The following METTL15 variants were observed in gnomAD, a reference collection of about 807,000 sequenced individuals.
METTL15 encodes the protein 12S rRNA N(4)-cytidine methyltransferase METTL15.
METTL15 carries 34 observed loss-of-function variants against 38.3 expected under a neutral mutation model. That is an observed-to-expected ratio of 0.89 (90% CI 0.68 to 1.18). The LOEUF is 1.18. Ranked by LOEUF, METTL15 falls within the 50% of genes most tolerant of loss-of-function variation. The pLI is 0.00. For missense variants in METTL15, 438 were observed against 498.4 expected, an observed-to-expected ratio of 0.88 and a Z score of 1.15; for synonymous variants, 162 against 170.9, an observed-to-expected ratio of 0.95 and a Z score of 0.41.
chr11:28,493,512 A>G (rs1450865983), intron 6 of METTL15, among the ~76,000 whole-genome samples: 1 of 152,226 alleles, frequency 6.6e-6, no homozygotes, highest in African/African-American at 2.4e-5. Flanking sequence ...CTCTAGCTTT[A>G]AATTAAACAT....
intron 6 of METTL15, among the ~76,000 whole-genome samples, chr11:28,428,023 C>T (rs1248900764): frequency 6.6e-6 from 1 of 152,174 alleles, no homozygotes; most frequent in African/African-American, 2.4e-5. Context: ...CAATTTATTT[C>T]ATGTGCTTGG....
chr11:28,512,875 G>A (rs1851687938), intron 6 of METTL15, among the ~76,000 whole-genome samples: 1 of 152,240 alleles, frequency 6.6e-6, no homozygotes, highest in Non-Finnish European at 1.5e-5. Context: ...TGCGAGGGCT[G>A]CCAGCATGCT....
chr11:28,113,672 AT>A, intron 3 of METTL15, 68 bp downstream of exon 3: 1 of 1,523,734 alleles, frequency 6.6e-7, no homozygotes, highest in Middle Eastern at 1.8e-4. Flanking sequence ...AATATTCATT[AT>A]TTTAAGGTAT....
intron 6 of METTL15, chr11:28,477,691 A>G (rs2133469652): frequency 6.6e-6 from 1 of 152,288 alleles, no homozygotes; most frequent in South Asian, 2.1e-4. Context: ...GGTGTTTTAT[A>G]TTATAAGAAT....
At chr11:28,354,208 A>C (rs997988150) in intron 4 of METTL15, among the ~76,000 whole-genome samples, 4 of 152,206 alleles carry the variant, frequency 2.6e-5, no homozygotes, top group Non-Finnish European at 4.4e-5. Flanking sequence ...GCACTCCCAT[A>C]GAGCACAAAA....
intron 3 of METTL15, among the ~76,000 whole-genome samples, chr11:28,181,977 G>A (rs558964217): frequency 6.6e-6 from 1 of 152,116 alleles, no homozygotes; most frequent in Non-Finnish European, 1.5e-5. Flanking sequence ...ATATCTTGTT[G>A]TGGTTTTGAT....
chr11:28,336,099 C>G (rs1246971263), downstream of METTL15, among the ~76,000 whole-genome samples: 1 of 152,158 alleles, frequency 6.6e-6, no homozygotes, highest in Non-Finnish European at 1.5e-5. Context: ...GTCTGCATCA[C>G]TAGCAGGAAT....
At chr11:28,354,012 A>G (rs1850068052) in intron 4 of METTL15, among the ~76,000 whole-genome samples, 1 of 152,218 alleles carries the variant, frequency 6.6e-6, no homozygotes, top group Admixed American at 6.5e-5. Context: ...ATGGCTGAGA[A>G]GAACCTCATA....
chr11:28,220,360 T>C (rs1029004585), intron 4 of METTL15, among the ~76,000 whole-genome samples: 28 of 152,236 alleles, frequency 1.8e-4, no homozygotes, highest in African/African-American at 6.8e-4. Context: ...TAAAGTGTGT[T>C]TTATCAGAGA....
intron 6 of METTL15, among the ~76,000 whole-genome samples, chr11:28,298,214 C>T (rs1394966502): frequency 1.3e-5 from 2 of 152,044 alleles, no homozygotes; most frequent in Non-Finnish European, 2.9e-5. Flanking sequence ...TCTGGTGTTC[C>T]TTTAACCACT....
chr11:28,369,187 A>T (rs1291532608), intron 5 of METTL15, among the ~76,000 whole-genome samples: 1 of 151,678 alleles, frequency 6.6e-6, no homozygotes, highest in Non-Finnish European at 1.5e-5. Context: ...GAAGTCCGAC[A>T]AAAACTTAAT....
At chr11:28,186,503 C>A (rs2133793801) in intron 3 of METTL15, among the ~76,000 whole-genome samples, 1 of 150,976 alleles carries the variant, frequency 6.6e-6, no homozygotes, top group African/African-American at 2.4e-5. Flanking sequence ...TACTGGTTAA[C>A]CCCTTGGGAT....
At chr11:28,141,664 GT>G (rs1330506271) in intron 3 of METTL15, among the ~76,000 whole-genome samples, 1 of 152,066 alleles carries the variant, frequency 6.6e-6, no homozygotes, top group Non-Finnish European at 1.5e-5. Context: ...CTCCAGCCTG[GT>G]TAACACACTG....
intron 3 of METTL15, among the ~76,000 whole-genome samples, chr11:28,338,773 A>G (rs1227479477): frequency 1.3e-5 from 2 of 152,182 alleles, no homozygotes; most frequent in African/African-American, 2.4e-5. Context: ...AATTGACTTC[A>G]AATTACAAAC....
intron 6 of METTL15, among the ~76,000 whole-genome samples, chr11:28,465,350 C>G (rs1295977980): frequency 2.0e-5 from 3 of 152,062 alleles, no homozygotes; most frequent in African/African-American, 7.2e-5. Context: ...TATGTCTTCT[C>G]CTTTTATTTT....
At chr11:28,418,510 G>C (rs1036666869) in intron 5 of METTL15, among the ~76,000 whole-genome samples, 10 of 152,152 alleles carry the variant, frequency 6.6e-5, no homozygotes, top group African/African-American at 1.9e-4. Context: ...AACCTAGCCA[G>C]AGACAGAGCA....
At chr11:28,345,269 A>C (rs1849986679) in intron 3 of METTL15, among the ~76,000 whole-genome samples, 1 of 152,026 alleles carries the variant, frequency 6.6e-6, no homozygotes, top group Non-Finnish European at 1.5e-5. Context: ...GCCTACTGCA[A>C]CCTCCACCTC....
At chr11:28,462,141 T>G (rs1851221408) in intron 6 of METTL15, among the ~76,000 whole-genome samples, 1 of 152,108 alleles carries the variant, frequency 6.6e-6, no homozygotes, top group African/African-American at 2.4e-5. Flanking sequence ...GATGCTTAAT[T>G]GTACCTGTTA....
intron 5 of METTL15, among the ~76,000 whole-genome samples, chr11:28,422,327 G>GA (rs985492102): frequency 4.0e-5 from 6 of 151,864 alleles, no homozygotes; most frequent in Middle Eastern, 3.4e-3. Flanking sequence ...CACAGAAATA[G>GA]AAAAAAACAA....
Sources: gnomAD v4.1 joint callset for allele counts (sites outside exome capture counted in the v4.1 genomes callset) on GRCh38, gnomAD v4.1.1 for gene constraint, MANE v1.5 for transcripts, NCBI Gene and HGNC (gene_info 2026-07-23, HGNC 2026-07-21) for gene names.